Variants in USF3 observed in about 807,000 individuals in gnomAD.
The protein encoded by USF3 is upstream transcription factor family member 3.
USF3 carries 29 observed loss-of-function variants against 157.5 expected under a neutral mutation model. The ratio of observed to expected loss-of-function variants is 0.18; its 90% CI spans 0.14 to 0.25. The LOEUF (loss-of-function observed/expected upper bound fraction) is 0.25. Among genes scored for constraint, USF3 ranks in the 10% least tolerant of loss-of-function variants. The pLI, the probability that USF3 is intolerant of heterozygous loss-of-function variation, is 1.00. For synonymous variants in USF3, 893 were observed against 941.4 expected, an observed-to-expected ratio of 0.95 and a Z score of 0.94; for missense variants, 2,381 against 2,667.6, an observed-to-expected ratio of 0.89 and a Z score of 2.37.
rs118073443 is a variant in USF3 at position 113,660,673 on chromosome 3, C to G, written c.1009G>C (p.Val337Leu). Residue 337 changes from valine (V) to leucine (L), a missense_variant, in exon 7 of 7, where the codon GTT (valine) becomes CTT (leucine). Around this residue, in one of 6 missense-constraint regions of USF3, gnomAD observed 1,435 missense variants for 1,550.9 expected, o/e 0.93. Coordinates refer to ENST00000316407, the MANE Select transcript of USF3 (RefSeq NM_001009899.4). Reference sequence around the variant, plus strand: ...GAGCAGACTGTGGTGGTAACTGAAACAACAAAAGTGTTTTGAAAATCACCT... The same window carrying G: ...GAGCAGACTGTGGTGGTAACTGAAAGAACAAAAGTGTTTTGAAAATCACCT... ...FRGDFQNTFV[V>L]SVTTTVCSQP... 6.1e-5 allele frequency: 99 copies of G among 1,614,192 alleles called. No homozygotes were observed. In the East Asian group the frequency reaches 2.0e-3, roughly 33 times the overall value.
chr3:113,661,480 T>C, intron 6 of USF3, 55 bp from the exon 7 acceptor site: 1 of 1,069,868 alleles, frequency 9.3e-7, no homozygotes, highest in Non-Finnish European at 1.3e-6. Context: ...GTATTTACAA[T>C]AACTTGATAA....
chr3:113,676,655 G>GA (rs1707290206), intron 2 of USF3, among the ~76,000 whole-genome samples: 1 of 152,168 alleles, frequency 6.6e-6, no homozygotes, highest in African/African-American at 2.4e-5. Flanking sequence ...CTTTCAAAAT[G>GA]AGTCTACCAA....
At position 113,659,809 on chromosome 3, in the gene USF3, G is replaced by T; in HGVS notation, c.1873C>A (p.Pro625Thr). Residue 625 changes from proline to threonine, a missense_variant, in exon 7 of 7, where the codon CCA (proline) becomes ACA (threonine). Around this residue, in one of 6 missense-constraint regions of USF3, gnomAD observed 1,435 missense variants for 1,550.9 expected, o/e 0.93. Transcript: ENST00000316407. The part of the protein sequence containing the change: ...SNNSVQNVPT[P>T]QTFGGKHLVH... Reference sequence around the variant, plus strand: ...AGATGCTTTCCTCCAAAAGTCTGTGGTGTTGGAACATTTTGCACTGAATTA... The same window carrying T: ...AGATGCTTTCCTCCAAAAGTCTGTGTTGTTGGAACATTTTGCACTGAATTA... 4 of 1,614,224 alleles carry T rather than the reference G, an allele frequency of 2.5e-6. No individual in the cohort carries two copies. The highest frequency in any genetic ancestry group is 3.4e-6 in the Non-Finnish European group (4 of 1,180,024).
intron 2 of USF3, among the ~76,000 whole-genome samples, chr3:113,675,552 A>G (rs542609287): frequency 6.6e-6 from 1 of 152,234 alleles, no homozygotes; most frequent in Non-Finnish European, 1.5e-5. Flanking sequence ...AAGGCCAGAA[A>G]GCAAATACAT....
In USF3 at chr3:113,650,447, G is replaced by A. The variant is rs1391721253; in HGVS notation, c.*4497C>T. ...GGCCCAATAAATGTTTCAAGGCAAA[G>A]GAGTAATCATCTCGCTAAGGAAATG... On this transcript the variant is annotated 3_prime_UTR_variant, in exon 7 of 7. Transcript: ENST00000316407. The A allele has an allele frequency of 2.6e-5, 4 of 152,242 alleles. No homozygotes were observed. Among genetic ancestry groups the A allele is most frequent in the East Asian group, 1.9e-4 (1 of 5,198 alleles). 9.4% of individuals were successfully genotyped at this position (152,242 alleles called of 1,614,324 possible). A position where few individuals can be genotyped will look rare whatever the true frequency, so the allele number is the denominator to read the frequency against.
chr3:113,686,279 T>C (rs1420377335), intron 1 of USF3, among the ~76,000 whole-genome samples: 2 of 152,136 alleles, frequency 1.3e-5, no homozygotes, highest in Admixed American at 6.5e-5. Context: ...AACACTGAAT[T>C]CCAATGCAAA....
At chr3:113,663,723 A>G (rs1194449082) in intron 6 of USF3, among the ~76,000 whole-genome samples, 1 of 152,208 alleles carries the variant, frequency 6.6e-6, no homozygotes, top group Non-Finnish European at 1.5e-5. Context: ...CTTGCCTGGA[A>G]TATTTTTTTC....
intron 1 of USF3, among the ~76,000 whole-genome samples, chr3:113,679,896 G>C (rs1048108223): frequency 1.3e-5 from 2 of 151,162 alleles, no homozygotes; most frequent in Non-Finnish European, 2.9e-5. Context: ...CATTTTTATT[G>C]CTGAGTATAA....
Position 113,658,925 on chromosome 3 carries a change from C to A in USF3, c.2757G>T (p.Glu919Asp). 1 of 1,614,144 alleles carries A rather than the reference C, an allele frequency of 6.2e-7. No homozygotes were observed. The highest frequency in any genetic ancestry group is 8.5e-7 in the Non-Finnish European group (1 of 1,180,030). Residue 919 changes from glutamate to aspartate, a missense_variant, in exon 7 of 7, where the codon GAG (glutamate) becomes GAT (aspartate). Physicochemically the swap from Glu to Asp is conservative, Grantham distance 45. Transcript: ENST00000316407. ...SKDSTPNLQQETSQDKPPSSL... is the reference protein window; with the variant it reads ...SKDSTPNLQQDTSQDKPPSSL... ...TACTTGGTGGTTTATCCTGAGATGT[C>A]TCTTGTTGTAGATTAGGGGTAGAAT...
rs377443949 is a variant in USF3, at chr3:113,655,636, G to A, written c.6046C>T (p.Leu2016Phe). ...VFDPSLPHLP[L>F]STGGSMILGR... ...AGAATCATACTGCCACCAGTAGAGA[G>A]AGGAAGATGGGGAAGACTTGGATCA... The change falls in exon 7 of 7, where the codon CTC (leucine) becomes TTC (phenylalanine). Residue 2016 changes from leucine (L) to phenylalanine (F), a missense_variant. Leu to Phe is a conservative substitution (Grantham distance 22). Coordinates refer to ENST00000316407, the MANE Select transcript of USF3 (RefSeq NM_001009899.4). The A allele has an allele frequency of 8.7e-6, 14 of 1,613,808 alleles. No individual in the cohort carries two copies. The highest frequency in any genetic ancestry group is 5.9e-6 in the Non-Finnish European group (7 of 1,179,798).
intron 1 of USF3, among the ~76,000 whole-genome samples, chr3:113,681,024 T>C (rs1325565828): frequency 2.0e-5 from 3 of 152,168 alleles, no homozygotes; most frequent in Non-Finnish European, 4.4e-5. Flanking sequence ...TCACCCAGGC[T>C]AGAGTGCAGT....
chr3:113,655,601 T>C lies in USF3; in HGVS notation c.6081A>G (p.Gln2027=). The change falls in exon 7 of 7, where the codon CAA becomes CAG. Residue 2027 remains glutamine (Q), a synonymous_variant. Coordinates refer to ENST00000316407, the MANE Select transcript of USF3 (RefSeq NM_001009899.4). ...STGGSMILGR[Q]QPATEKRGSI... ...TTCCTCTCTTCTCTGTGGCAGGTTG[T>C]TGACGTCCAAGAATCATACTGCCAC... 6.2e-7 allele frequency: 1 copy of C among 1,614,170 alleles called. No homozygotes were observed. Among genetic ancestry groups the C allele is most frequent in the Non-Finnish European group, 8.5e-7 (1 of 1,180,012 alleles).
chr3:113,660,660 G>A lies in USF3; in HGVS notation c.1022C>T (p.Thr341Ile). The A allele has an allele frequency of 1.9e-6, 3 of 1,614,188 alleles. No individual in the cohort carries two copies. Among genetic ancestry groups the A allele is most frequent in the Non-Finnish European group, 2.5e-6 (3 of 1,180,028 alleles). The change falls in exon 7 of 7, where the codon ACC (threonine) becomes ATC (isoleucine). Residue 341 changes from threonine (T) to isoleucine (I), a missense_variant. This residue lies in a region of USF3 where 1,435 missense variants were observed against 1,550.9 expected (regional missense o/e 0.93). Transcript: ENST00000316407. ...FQNTFVVSVT[T>I]TVCSQPPRTA... The stretch of plus-strand genomic sequence containing the variant: ...TCTGGGAGGCTGCGAGCAGACTGTG[G>A]TGGTAACTGAAACAACAAAAGTGTT...
rs895435964 is a variant in USF3, at chr3:113,674,684, T to C, written c.47+148A>G. The C allele has an allele frequency of 4.2e-6, 3 of 712,292 alleles. No individual in the cohort carries two copies. In the African/African-American group the frequency reaches 5.3e-5, roughly 13 times the overall value. The allele number at this position is 712,292 out of a possible 1,614,324, so 44.1% of individuals were successfully genotyped here. ...AACCATATACCTTTTTCAGTAAATC[T>C]GTATTTATCTACAAATATTTTTGGA... On this transcript the variant is annotated intron_variant, in intron 3 of 6. Coordinates refer to ENST00000316407, the MANE Select transcript of USF3 (RefSeq NM_001009899.4).
At chr3:113,681,135 G>A (rs755152761) in intron 1 of USF3, among the ~76,000 whole-genome samples, 1 of 151,910 alleles carries the variant, frequency 6.6e-6, no homozygotes, top group Non-Finnish European at 1.5e-5. Flanking sequence ...CCACCAGCAC[G>A]CCTGGCTAAT....
In USF3 at chr3:113,651,084, G is replaced by A. The variant is rs993037151; in HGVS notation, c.*3860C>T. On this transcript the variant is annotated 3_prime_UTR_variant, in exon 7 of 7. Coordinates refer to ENST00000316407, the MANE Select transcript of USF3 (RefSeq NM_001009899.4). ...TATGATTGACACATTAAATGTTTAC[G>A]CATGAAGAGAATCTGGAATTTTACC... 6.6e-6 allele frequency: 1 copy of A among 152,084 alleles called. No homozygotes were observed. Among genetic ancestry groups the A allele is most frequent in the Admixed American group, 6.5e-5 (1 of 15,282 alleles). 9.4% of individuals were successfully genotyped at this position (152,084 alleles called of 1,614,324 possible).
chr3:113,685,457 C>T (rs984721410), intron 1 of USF3, among the ~76,000 whole-genome samples: 6 of 152,074 alleles, frequency 3.9e-5, no homozygotes, highest in African/African-American at 1.4e-4. Context: ...CCATTCTGGC[C>T]CAGTGGGGGG....
chr3:113,678,738 T>C (rs529879590), intron 1 of USF3, among the ~76,000 whole-genome samples: 16 of 152,118 alleles, frequency 1.1e-4, no homozygotes, highest in Non-Finnish European at 2.1e-4. Flanking sequence ...TCATTAAAAA[T>C]TTTTTTTAAT....
rs559576858 is a variant in USF3, at chr3:113,654,261, G to T, written c.*683C>A. On this transcript the variant is annotated 3_prime_UTR_variant, in exon 7 of 7. Transcript: ENST00000316407. ...TACGGCTAAATAATTGTCTAAGGAA[G>T]ACCTTTGCTTTAAATAATCTTGGCA... The T allele has an allele frequency of 1.3e-5, 2 of 152,746 alleles. No individual in the cohort carries two copies. Among genetic ancestry groups the T allele is most frequent in the East Asian group, 3.9e-4 (2 of 5,190 alleles). The allele number at this position is 152,746 out of a possible 1,614,324, so 9.5% of individuals were successfully genotyped here.
Sources: gnomAD v4.1 joint callset for allele counts (sites outside exome capture counted in the v4.1 genomes callset) on GRCh38, gnomAD v4.1.1 for gene constraint, gnomAD v4.1.1 regional missense constraint, MANE v1.5 for transcripts, NCBI Gene and HGNC (gene_info 2026-07-23, HGNC 2026-07-21) for gene names.